The following SORBS3 variants were observed in gnomAD, a reference collection of about 807,000 sequenced individuals.
The protein encoded by SORBS3 is vinexin.
Under a neutral mutation model 98.0 loss-of-function variants are expected in SORBS3, and 69 were observed. The ratio of observed to expected loss-of-function variants is 0.70; its 90% CI spans 0.58 to 0.86. The LOEUF is 0.86. Among genes scored for constraint, SORBS3 ranks in the 40% least tolerant of loss-of-function variants. The pLI is 0.00. For synonymous variants in SORBS3, 394 were observed against 355.4 expected (o/e 1.11, Z -1.22); for missense variants, 954 against 908.5 (o/e 1.05, Z -0.64).
At chr8:22,571,339 G>A (rs1840578782) in intron 18 of SORBS3, 118 bp downstream of exon 18, 2 of 653,222 alleles carry the variant, frequency 3.1e-6, no homozygotes, top group Admixed American at 5.8e-5. Flanking sequence ...TAGGAGTGGG[G>A]TGACAGGGCA....
At chr8:22,547,648 C>T (rs1268349163), upstream of SORBS3, among the ~76,000 whole-genome samples, 1 of 152,188 alleles carries the variant, frequency 6.6e-6, no homozygotes, top group Non-Finnish European at 1.5e-5. Flanking sequence ...GCTGAGTTGA[C>T]TTGGCTTGGT....
intron 1 of SORBS3, among the ~76,000 whole-genome samples, chr8:22,546,294 T>A (rs2117179261): frequency 6.6e-6 from 1 of 152,300 alleles, no homozygotes; most frequent in African/African-American, 2.4e-5. Flanking sequence ...TTCCTGTATT[T>A]CCTGGTGGAG....
rs140888537 is a variant in SORBS3 at position 22,556,118 on chromosome 8, G to A, written c.221-597G>A. Among the ~76,000 whole-genome samples, 560 of 152,288 alleles carry A rather than the reference G, an allele frequency of 3.7e-3. 4 individuals carry two copies. The highest frequency in any genetic ancestry group is 0.012 in the African/African-American group (509 of 41,546). ...TATTCTGCTGCCCTAGCTACTTAGA[G>A]GCTAACACTTATGGGTAAGTTGAGG... On this transcript the variant is annotated intron_variant, in intron 3 of 20. Coordinates refer to ENST00000240123, the MANE Select transcript of SORBS3 (RefSeq NM_005775.5).
Position 22,566,678 on chromosome 8 carries a change from G to A in SORBS3, c.1108G>A (p.Gly370Arg), listed in dbSNP as rs775636611. Residue 370 changes from glycine to arginine, a missense_variant, in exon 14 of 21, where the codon GGA becomes AGA. By Grantham distance (125) the Gly-to-Arg change is moderately radical (BLOSUM62 -2). Transcript: ENST00000240123. ...SSTRDPSASN[G>R]GGSPARREEK... ...CTCCACAGACCCTAGTGCCTCTAACGGAGGGGGCAGCCCAGCCAGGAGGGA... is the reference window on the plus strand; with the variant it reads ...CTCCACAGACCCTAGTGCCTCTAACAGAGGGGGCAGCCCAGCCAGGAGGGA... 1.2e-6 allele frequency: 2 copies of A among 1,609,138 alleles called. No homozygotes were observed. Among genetic ancestry groups the A allele is most frequent in the East Asian group, 2.2e-5 (1 of 44,884 alleles).
chr8:22,570,435 C>T (rs1311412419), intron 17 of SORBS3, among the ~76,000 whole-genome samples: 1 of 152,240 alleles, frequency 6.6e-6, no homozygotes, highest in Non-Finnish European at 1.5e-5. Context: ...GTAGTGGTAG[C>T]ACCTGTCCAG....
In SORBS3 at chr8:22,566,399, C is replaced by T; in HGVS notation, c.1005C>T (p.Ala335=). 6.2e-7 allele frequency: 1 copy of T among 1,614,088 alleles called. No individual in the cohort carries two copies. The highest frequency in any genetic ancestry group is 2.2e-5 in the East Asian group (1 of 44,868). ...CACATGCACCTTACCTGGGTTCCGCCCGGTCCCTGAGTCCCCACAAAATGG... is the reference window on the plus strand; with the variant it reads ...CACATGCACCTTACCTGGGTTCCGCTCGGTCCCTGAGTCCCCACAAAATGG... ...SYPHAPYLGS[A]RSLSPHKMAD... is the part of the protein sequence containing the mutation. Residue 335 remains alanine (A), a synonymous_variant, in exon 13 of 21, where the codon GCC becomes GCT. Transcript: ENST00000240123.
chr8:22,556,591 A>G (rs1840186570), intron 3 of SORBS3, 124 bp from the exon 4 acceptor site: 3 of 810,632 alleles, frequency 3.7e-6, no homozygotes, highest in Admixed American at 2.1e-5. Flanking sequence ...CATCCACTCA[A>G]ACAAACAAGG....
At chr8:22,560,082 G>T (rs934567153) in intron 5 of SORBS3, among the ~76,000 whole-genome samples, 2 of 151,618 alleles carry the variant, frequency 1.3e-5, no homozygotes, top group African/African-American at 2.4e-5. Context: ...AGAAGAGAGA[G>T]ATTTTGATTT....
Position 22,574,807 on chromosome 8 carries a change from C to T in SORBS3, c.*79C>T. On this transcript the variant is annotated 3_prime_UTR_variant, in exon 21 of 21. Coordinates refer to ENST00000240123, the MANE Select transcript of SORBS3 (RefSeq NM_005775.5). ...CTCGTGGGAGGGAGAGGACCCCCGC[C>T]CACATCCTCCTTCCCCAGGACCTGA... 7.4e-7 allele frequency: 1 copy of T among 1,342,698 alleles called. No homozygotes were observed. Among genetic ancestry groups the T allele is most frequent in the South Asian group, 1.2e-5 (1 of 85,748 alleles). The allele number at this position is 1,342,698 out of a possible 1,614,324, so 83.2% of individuals were successfully genotyped here.
chr8:22,553,996 C>T (rs1362547845), intron 1 of SORBS3, among the ~76,000 whole-genome samples: 3 of 152,174 alleles, frequency 2.0e-5, no homozygotes, highest in Non-Finnish European at 4.4e-5. Flanking sequence ...CCCTTGTGCC[C>T]GCAGGCAAGA....
intron 17 of SORBS3, among the ~76,000 whole-genome samples, 171 bp downstream of exon 17, chr8:22,569,444 A>G (rs921773031): frequency 1.3e-5 from 2 of 152,086 alleles, no homozygotes; most frequent in African/African-American, 4.8e-5. Context: ...GGTTCAAGCA[A>G]TTCTCCTGCC....
chr8:22,564,692 C>T (rs932929515), intron 10 of SORBS3, 171 bp downstream of exon 10: 68 of 1,384,876 alleles, frequency 4.9e-5, no homozygotes, highest in Non-Finnish European at 6.2e-5. Flanking sequence ...ATACAGGAGG[C>T]GCTCAGTAAA....
Position 22,564,581 on chromosome 8 carries a change from G to T in SORBS3, c.816+60G>T, listed in dbSNP as rs570875277. ...ATAAACCAGGGAGATTAGGGTTTTG[G>T]TGGCCCCAGTAACCATGGGCATAGG... On this transcript the variant is annotated intron_variant, in intron 10 of 20. Coordinates refer to ENST00000240123, the MANE Select transcript of SORBS3 (RefSeq NM_005775.5). 24 of 1,602,092 alleles carry T rather than the reference G, an allele frequency of 1.5e-5. No homozygotes were observed. In the East Asian group the frequency reaches 5.1e-4, roughly 34 times the overall value.
intron 16 of SORBS3, 121 bp downstream of exon 16, chr8:22,567,296 G>A (rs1840451816): frequency 5.8e-6 from 4 of 690,154 alleles, no homozygotes; most frequent in African/African-American, 3.6e-5. Context: ...GGCGTGTCTC[G>A]GAACTGTCCT....
chr8:22,572,545 A>T (rs1045386047), intron 20 of SORBS3, 99 bp downstream of exon 20: 1 of 958,480 alleles, frequency 1.0e-6, no homozygotes, highest in African/African-American at 1.6e-5. Flanking sequence ...TTCATGGCCG[A>T]CCACCCCCCG....
chr8:22,574,652 C>A lies in SORBS3; in HGVS notation c.1955-15C>A, dbSNP rs1344446275. The A allele has an allele frequency of 6.2e-7, 1 of 1,612,274 alleles. No individual in the cohort carries two copies. The highest frequency in any genetic ancestry group is 1.3e-5 in the African/African-American group (1 of 74,816). Reference sequence around the variant, plus strand: ...AAGGGAGTGGGGAAAGCTCTTCCTGCCTTTCCTCTTTCAGGTGTCTCCCGG... The same window carrying A: ...AAGGGAGTGGGGAAAGCTCTTCCTGACTTTCCTCTTTCAGGTGTCTCCCGG... On this transcript the variant is annotated splice_polypyrimidine_tract_variant and intron_variant, in intron 20 of 20. Coordinates refer to ENST00000240123, the MANE Select transcript of SORBS3 (RefSeq NM_005775.5).
At chr8:22,563,118 C>CAA (rs397956699) in intron 7 of SORBS3, among the ~76,000 whole-genome samples, 7 of 135,180 alleles carry the variant, frequency 5.2e-5, no homozygotes, top group African/African-American at 1.6e-4. Flanking sequence ...GACTCCGTAT[C>CAA]AAAAAAAAAA....
At chr8:22,570,182 T>A (rs1840536242) in intron 17 of SORBS3, among the ~76,000 whole-genome samples, 1 of 152,164 alleles carries the variant, frequency 6.6e-6, no homozygotes, top group African/African-American at 2.4e-5. Context: ...CCATAGTGAA[T>A]GCCTCCCAGA....
rs930629803 is a variant in SORBS3, at chr8:22,554,098, C to G, written c.-55-354C>G. The G allele has an allele frequency of 1.8e-5, 3 of 169,544 alleles. No homozygotes were observed. Among genetic ancestry groups the G allele is most frequent in the Non-Finnish European group, 3.8e-5 (3 of 78,718 alleles). 10.5% of individuals were successfully genotyped at this position (169,544 alleles called of 1,614,324 possible). ...TCTGCCGGCTGCCCCACTTCCCCTG[C>G]GCCTTCCCTCCGGGGGAGTGGGGAA... On this transcript the variant is annotated intron_variant, in intron 1 of 20. Transcript: ENST00000240123. This position sits in a 1 kb window ranked among gnomAD's most constrained non-coding sequence, Gnocchi z 6.5.
Sources: gnomAD v4.1 joint callset for allele counts (sites outside exome capture counted in the v4.1 genomes callset) on GRCh38, gnomAD v4.1.1 for gene constraint, Gnocchi (gnomAD v3.1) non-coding constraint, MANE v1.5 for transcripts, NCBI Gene and HGNC (gene_info 2026-07-23, HGNC 2026-07-21) for gene names.